Variants in SLC5A10 observed in about 807,000 individuals in gnomAD.
SLC5A10 encodes the protein solute carrier family 5 member 10, also known as sodium/mannose cotransporter SLC5A10.
SLC5A10 carries 55 observed loss-of-function variants against 68.9 expected under a neutral mutation model. The ratio of observed to expected loss-of-function variants is 0.80; its 90% CI spans 0.64 to 1.00. SLC5A10 has a LOEUF of 1.00. SLC5A10 is among the 50% of genes least tolerant of loss of function. SLC5A10 has a pLI of 0.00. For synonymous variants in SLC5A10, 344 were observed against 344.8 expected, an observed-to-expected ratio of 1.00 and a Z score of 0.02; for missense variants, 732 against 819.3, an observed-to-expected ratio of 0.89 and a Z score of 1.30.
chr17:18,969,155 C>T lies in SLC5A10; in HGVS notation c.557C>T (p.Ala186Val). Residue 186 changes from alanine (A) to valine (V), a missense_variant and splice_region_variant, in exon 6 of 15, where the codon GCA (alanine) becomes GTA (valine). Physicochemically the swap from Ala to Val is moderately conservative, Grantham distance 64. Coordinates refer to ENST00000395645, the MANE Select transcript of SLC5A10 (RefSeq NM_001042450.4). Reference protein sequence around the residue: ...TLGITALYTIAGGLAAVIYTD... With the variant: ...TLGITALYTIVGGLAAVIYTD... ...GGCATCACAGCCCTGTACACCATCG[C>T]AGGTATGGTGCCTGCAGCAGGGAGG... 6.2e-7 allele frequency: 1 copy of T among 1,613,526 alleles called. No homozygotes were observed. The highest frequency in any genetic ancestry group is 8.5e-7 in the Non-Finnish European group (1 of 1,179,732).
At chr17:18,974,205 T>C (rs2042927683) in intron 8 of SLC5A10, among the ~76,000 whole-genome samples, 1 of 152,098 alleles carries the variant, frequency 6.6e-6, no homozygotes, top group Non-Finnish European at 1.5e-5. Context: ...TTTGTATTTT[T>C]AGTAGAAATG....
Position 18,978,453 on chromosome 17 carries a change from C to T in SLC5A10, c.982+1464C>T, listed in dbSNP as rs780509170. 3 of 1,605,986 alleles carry T rather than the reference C, an allele frequency of 1.9e-6. No homozygotes were observed. In the South Asian group the frequency reaches 3.3e-5, roughly 18 times the overall value. ...GTGGGCAGGTACTCAAACATGTTGGCCCTCTCCAGGTGAAGCAGTCCTGGG... is the reference window on the plus strand; with the variant it reads ...GTGGGCAGGTACTCAAACATGTTGGTCCTCTCCAGGTGAAGCAGTCCTGGG... On this transcript the variant is annotated intron_variant, in intron 9 of 14. Transcript: ENST00000395645.
At chr17:18,978,636 G>A in intron 9 of SLC5A10, 2 of 1,613,136 alleles carry the variant, frequency 1.2e-6, no homozygotes, top group South Asian at 1.1e-5. Context: ...GGGTTGACGA[G>A]CTTCTTGGCC....
rs1169596906 is a variant in SLC5A10, at chr17:19,003,124, A to G, written c.983-10286A>G. On this transcript the variant is annotated intron_variant, in intron 9 of 14. Coordinates refer to ENST00000395645, the MANE Select transcript of SLC5A10 (RefSeq NM_001042450.4). This position sits in a 1 kb window ranked among gnomAD's most constrained non-coding sequence, Gnocchi z 4.5. ...TCACCCCACAACAAAAGCTCTCCCC[A>G]CCAGAGAGCTCATGGTGTGTGCGCG... is the stretch of plus-strand genomic sequence containing the variant. Among the ~76,000 whole-genome samples, 10 of 151,128 alleles carry G rather than the reference A, an allele frequency of 6.6e-5. No homozygotes were observed. The highest frequency in any genetic ancestry group is 1.5e-4 in the Non-Finnish European group (10 of 67,826).
intron 9 of SLC5A10, among the ~76,000 whole-genome samples, chr17:18,985,066 G>A (rs1156238022): frequency 6.6e-6 from 1 of 152,200 alleles, no homozygotes; most frequent in African/African-American, 2.4e-5. Context: ...GGAGGAAGGA[G>A]CCGAGTGAGG....
Position 18,991,093 on chromosome 17 carries a change from T to C in SLC5A10, c.982+14104T>C, listed in dbSNP as rs1175277622. The stretch of plus-strand genomic sequence containing the variant: ...CGGGAGGCAGTGGTTCTTTTTCCCA[T>C]TTTGCAGATAAAGAAACTGAAGCAC... On this transcript the variant is annotated intron_variant, in intron 9 of 14. Coordinates refer to ENST00000395645, the MANE Select transcript of SLC5A10 (RefSeq NM_001042450.4). Among the ~76,000 whole-genome samples, 3 of 152,298 alleles carry C rather than the reference T, an allele frequency of 2.0e-5. No individual in the cohort carries two copies. In the East Asian group the frequency reaches 5.8e-4, roughly 29 times the overall value.
Position 19,020,372 on chromosome 17 carries a change from G to A in SLC5A10, c.1732G>A (p.Gly578Ser), listed in dbSNP as rs770332172. The change falls in exon 15 of 15, where the codon GGC (glycine) becomes AGC (serine). Residue 578 changes from glycine (G) to serine (S), a missense_variant. Transcript: ENST00000395645. ...QKHAFWARVC[G>S]FNAILLMCVN... ...ACACGCCTTCTGGGCCCGTGTCTGT[G>A]GCTTCAATGCCATCCTCCTCATGTG... is the stretch of plus-strand genomic sequence containing the variant. 7 of 1,614,004 alleles carry A rather than the reference G, an allele frequency of 4.3e-6. No homozygotes were observed. The highest frequency in any genetic ancestry group is 5.9e-6 in the Non-Finnish European group (7 of 1,180,048).
intron 9 of SLC5A10, among the ~76,000 whole-genome samples, chr17:19,009,633 A>G (rs190946325): frequency 5.9e-5 from 9 of 152,080 alleles, no homozygotes; most frequent in Non-Finnish European, 1.3e-4. Context: ...AGTAGAGAGC[A>G]CCTTGATTAC....
intron 9 of SLC5A10, among the ~76,000 whole-genome samples, chr17:18,987,475 G>A (rs549312879): frequency 2.0e-5 from 3 of 152,346 alleles, no homozygotes; most frequent in African/African-American, 7.2e-5. Flanking sequence ...GGTGCCAAGC[G>A]ATGGCTGGCA....
chr17:19,014,504 C>T (rs2044087960), intron 10 of SLC5A10, among the ~76,000 whole-genome samples: 1 of 152,200 alleles, frequency 6.6e-6, no homozygotes, highest in South Asian at 2.1e-4. Flanking sequence ...GACTGGGGCA[C>T]TGCATGCTGG....
chr17:18,984,093 C>T lies in SLC5A10; in HGVS notation c.982+7104C>T, dbSNP rs375353186. Reference sequence around the variant, plus strand: ...CGCGGTGGCTCACGCCTGTAATCCCCGCACTTTGGGAGGCCGAGGCGGGCG... The same window carrying T: ...CGCGGTGGCTCACGCCTGTAATCCCTGCACTTTGGGAGGCCGAGGCGGGCG... On this transcript the variant is annotated intron_variant, in intron 9 of 14. Transcript: ENST00000395645. 2.7e-4 allele frequency among the ~76,000 whole-genome samples: 41 copies of T among 152,028 alleles called. 2 individuals are homozygous for T. The South Asian group carries it at 8.3e-3, about 31-fold the overall frequency.
At position 19,004,054 on chromosome 17, in the gene SLC5A10, C is replaced by G. The variant is rs746038121; in HGVS notation, c.983-9356C>G. The G allele has an allele frequency of 1.3e-6, 2 of 1,569,116 alleles. No individual in the cohort carries two copies. The highest frequency in any genetic ancestry group is 1.7e-6 in the Non-Finnish European group (2 of 1,155,724). On this transcript the variant is annotated intron_variant, in intron 9 of 14. Transcript: ENST00000395645. This position sits in a 1 kb window ranked among gnomAD's most constrained non-coding sequence, Gnocchi z 5.4. ...GAGAGAAGGCCATGGCGCCGCCTGC[C>G]CGGGCACTGCTGCCGGGGGTGGGTG...
chr17:19,016,685 C>T (rs1381405128), intron 11 of SLC5A10, among the ~76,000 whole-genome samples: 1 of 152,190 alleles, frequency 6.6e-6, no homozygotes. Context: ...CAAGGAGCCT[C>T]CCACCTCTCA....
At chr17:18,985,271 C>G (rs1169032226) in intron 9 of SLC5A10, among the ~76,000 whole-genome samples, 1 of 152,204 alleles carries the variant, frequency 6.6e-6, no homozygotes, top group Non-Finnish European at 1.5e-5. Flanking sequence ...TGACCATGTC[C>G]CCATTTTGTA....
chr17:18,968,876 G>A lies in SLC5A10; in HGVS notation c.454-176G>A. 1 of 603,172 alleles carries A rather than the reference G, an allele frequency of 1.7e-6. No homozygotes were observed. The highest frequency in any genetic ancestry group is 2.8e-5 in the East Asian group (1 of 35,382). The allele number at this position is 603,172 out of a possible 1,614,324, so 37.4% of individuals were successfully genotyped here. ...CACAAGCTTGTAGCTCCACGGCCAGGTCTTCCCCCAACCTCACAATGGCCC... is the reference window on the plus strand; with the variant it reads ...CACAAGCTTGTAGCTCCACGGCCAGATCTTCCCCCAACCTCACAATGGCCC... On this transcript the variant is annotated intron_variant, in intron 5 of 14. Coordinates refer to ENST00000395645, the MANE Select transcript of SLC5A10 (RefSeq NM_001042450.4). The surrounding 1 kb of genome is among the most constrained non-coding windows in gnomAD (Gnocchi z 4.1).
chr17:18,979,252 C>A (rs530610470), intron 9 of SLC5A10: 1 of 482,498 alleles, frequency 2.1e-6, no homozygotes, highest in South Asian at 2.5e-5. Flanking sequence ...CAGAGCTGGC[C>A]CCATCCCTAA....
intron 8 of SLC5A10, among the ~76,000 whole-genome samples, chr17:18,972,817 C>T (rs969760626): frequency 6.6e-6 from 1 of 151,290 alleles, no homozygotes; most frequent in African/African-American, 2.4e-5. Flanking sequence ...AGCAGTGAGC[C>T]GAGATTGTGC....
intron 4 of SLC5A10, 135 bp from the exon 5 acceptor site, chr17:18,960,413 T>G: frequency 1.3e-6 from 1 of 782,702 alleles, no homozygotes; most frequent in Non-Finnish European, 2.2e-6. Context: ...AAGGGGTCAG[T>G]GCCTGGGCCT....
At position 19,005,030 on chromosome 17, in the gene SLC5A10, C is replaced by G. The variant is rs58094480; in HGVS notation, c.983-8380C>G. Among the ~76,000 whole-genome samples, 5 of 152,330 alleles carry G rather than the reference C, an allele frequency of 3.3e-5. No individual in the cohort carries two copies. The South Asian group carries it at 1.0e-3, about 32-fold the overall frequency. ...ACACAGCGGGTCAACAGCCTTGGCA[C>G]CCCCCTGTGCCCCCAGGGTCTGTTG... On this transcript the variant is annotated intron_variant, in intron 9 of 14. Transcript: ENST00000395645.
Sources: gnomAD v4.1 joint callset for allele counts (sites outside exome capture counted in the v4.1 genomes callset) on GRCh38, gnomAD v4.1.1 for gene constraint, Gnocchi (gnomAD v3.1) non-coding constraint, MANE v1.5 for transcripts, NCBI Gene and HGNC (gene_info 2026-07-23, HGNC 2026-07-21) for gene names.